NHEJ1: variants seen among roughly 807,000 people sequenced by gnomAD.
NHEJ1 encodes non-homologous end joining factor 1.
A neutral mutation model predicts 39.4 loss-of-function variants in NHEJ1; 22 were observed. That is an observed-to-expected ratio of 0.56 (90% confidence interval 0.40 to 0.80). The LOEUF (loss-of-function observed/expected upper bound fraction) is 0.80. Ranked by LOEUF, NHEJ1 falls within the 30% of genes least tolerant of loss-of-function variation. The probability of loss-of-function intolerance (pLI) is 0.00; values close to 1 mark genes in which losing one functional copy is unlikely to be tolerated. For missense variants in NHEJ1, 329 were observed against 357.1 expected (o/e 0.92, Z 0.63); for synonymous variants, 154 against 135.6 (o/e 1.14, Z -0.94).
At chr2:219,089,041 G>A (rs778280628) in intron 5 of NHEJ1, among the ~76,000 whole-genome samples, 2 of 151,914 alleles carry the variant, frequency 1.3e-5, no homozygotes, top group Non-Finnish European at 2.9e-5. Context: ...GGATGGTCTC[G>A]ATCTCCTGAC....
In NHEJ1 at chr2:219,073,551, C is replaced by G. The variant is rs1948984320; in HGVS notation, c.*2830G>C. 6.6e-6 allele frequency among the ~76,000 whole-genome samples: 1 copy of G among 152,212 alleles called. No homozygotes were observed. Among genetic ancestry groups the G allele is most frequent in the South Asian group, 2.1e-4 (1 of 4,830 alleles). The stretch of plus-strand genomic sequence containing the variant: ...TAGCTAACTATGGGGGACCAGCCGG[C>G]AAGGCCAAGTAGGCCTTGCAATCTA... On this transcript the variant is annotated 3_prime_UTR_variant, in exon 8 of 8. Transcript: ENST00000356853.
chr2:219,108,405 G>A (rs555852411), intron 5 of NHEJ1, among the ~76,000 whole-genome samples: 49 of 152,300 alleles, frequency 3.2e-4, no homozygotes, highest in African/African-American at 1.0e-3. Flanking sequence ...CCAGCCAACA[G>A]TTAAGTAAAG....
At position 219,088,564 on chromosome 2, in the gene NHEJ1, C is replaced by T. The variant is rs188454368; in HGVS notation, c.589-10358G>A. On this transcript the variant is annotated intron_variant, in intron 5 of 7. Coordinates refer to ENST00000356853, the MANE Select transcript of NHEJ1 (RefSeq NM_024782.3). ...CATACACAAAAGAGTATATATTATT[C>T]CATTTCTATGAAGCTCAAAAACAAG... 2.8e-3 allele frequency among the ~76,000 whole-genome samples: 428 copies of T among 152,032 alleles called. 1 individual carries two copies. In the Middle Eastern group the frequency reaches 0.044, roughly 16 times the overall value.
chr2:219,139,007 G>A (rs1949664303), intron 5 of NHEJ1, among the ~76,000 whole-genome samples: 1 of 152,188 alleles, frequency 6.6e-6, no homozygotes, highest in Non-Finnish European at 1.5e-5. Flanking sequence ...CAGTGAGATA[G>A]TGATAGAATG....
chr2:219,159,830 CT>C (rs1264693392), intron 1 of NHEJ1, among the ~76,000 whole-genome samples: 1 of 151,938 alleles, frequency 6.6e-6, no homozygotes, highest in Non-Finnish European at 1.5e-5. Context: ...CCAGTGTACT[CT>C]TAACAGTTGC....
At chr2:219,106,716 T>C (rs1574716023) in intron 5 of NHEJ1, among the ~76,000 whole-genome samples, 1 of 152,180 alleles carries the variant, frequency 6.6e-6, no homozygotes, top group Non-Finnish European at 1.5e-5. Flanking sequence ...TGTAGCGCCA[T>C]ACTCAATGTT....
Position 219,157,581 on chromosome 2 carries a change from G to A in NHEJ1, c.281C>T (p.Thr94Ile), listed in dbSNP as rs1033591552. 6.2e-7 allele frequency: 1 copy of A among 1,614,198 alleles called. No individual in the cohort carries two copies. The highest frequency in any genetic ancestry group is 8.5e-7 in the Non-Finnish European group (1 of 1,180,036). Residue 94 changes from threonine to isoleucine, a missense_variant, in exon 3 of 8, where the codon ACC becomes ATC. Coordinates refer to ENST00000356853, the MANE Select transcript of NHEJ1 (RefSeq NM_024782.3). Reference protein sequence around the residue: ...LKDAAHPSEATFSCDCVADAL... With the variant: ...LKDAAHPSEAIFSCDCVADAL... ...ATCTGCCACACAATCACAGGAGAAG[G>A]TAGCTTCGCTAGGGTGAGCAGCGTC... is the stretch of plus-strand genomic sequence containing the variant.
chr2:219,117,632 A>T (rs1485703473), intron 5 of NHEJ1, among the ~76,000 whole-genome samples: 2 of 152,282 alleles, frequency 1.3e-5, no homozygotes, highest in African/African-American at 4.8e-5. Context: ...CCACGAACTC[A>T]GAATCAGATC....
chr2:219,105,450 A>C (rs1949304870), intron 5 of NHEJ1, among the ~76,000 whole-genome samples: 1 of 152,206 alleles, frequency 6.6e-6, no homozygotes, highest in Non-Finnish European at 1.5e-5. Flanking sequence ...ATCCATTTTG[A>C]CAGCTCACTA....
intron 5 of NHEJ1, among the ~76,000 whole-genome samples, chr2:219,100,845 T>C (rs1949250838): frequency 6.6e-6 from 1 of 152,168 alleles, no homozygotes. Context: ...AATTCATCCA[T>C]TCATATTTCT....
At chr2:219,129,713 G>A (rs576916372) in intron 5 of NHEJ1, among the ~76,000 whole-genome samples, 3 of 152,332 alleles carry the variant, frequency 2.0e-5, no homozygotes, top group African/African-American at 7.2e-5. Flanking sequence ...GTCAACAAGA[G>A]GCTGCTCCTC....
rs1464191475 is a variant in NHEJ1 at position 219,073,517 on chromosome 2, T to TTA, written c.*2863_*2864insTA. 7.9e-5 allele frequency among the ~76,000 whole-genome samples: 12 copies of TTA among 152,176 alleles called. No homozygotes were observed. Among genetic ancestry groups the TTA allele is most frequent in the Non-Finnish European group, 1.6e-4 (11 of 68,022 alleles). ...AGGCTTTCTCTCCAAGCAGGGAGCA[T>TTA]GCCTGTCCTAGCTAACTATGGGGGA... On this transcript the variant is annotated 3_prime_UTR_variant, in exon 8 of 8. Coordinates refer to ENST00000356853, the MANE Select transcript of NHEJ1 (RefSeq NM_024782.3).
rs1156943291 is a variant in NHEJ1, at chr2:219,153,695, G to GC, written c.390+3776_390+3777insG. Among the ~76,000 whole-genome samples, 6 of 103,050 alleles carry GC rather than the reference G, an allele frequency of 5.8e-5. 1 individual carries two copies. The South Asian group carries it at 2.8e-3, about 49-fold the overall frequency. The allele number at this position is 103,050 out of a possible 152,430, so 67.6% of individuals were successfully genotyped here. A position where few individuals can be genotyped will look rare whatever the true frequency, so the allele number is the denominator to read the frequency against. ...TCTCAAAAGAAAAAGAAAGAAAAGG[G>GC]GGGGGGGGTGGAGAGAGAGAGAGAG... is the stretch of plus-strand genomic sequence containing the variant. On this transcript the variant is annotated intron_variant, in intron 3 of 7. Coordinates refer to ENST00000356853, the MANE Select transcript of NHEJ1 (RefSeq NM_024782.3).
chr2:219,079,992 T>C (rs1209084537), intron 5 of NHEJ1, among the ~76,000 whole-genome samples: 2 of 152,188 alleles, frequency 1.3e-5, no homozygotes, highest in Admixed American at 6.5e-5. Flanking sequence ...CCTCCTGCCC[T>C]TTCCATGGAA....
At chr2:219,135,862 G>A (rs546062811) in intron 5 of NHEJ1, among the ~76,000 whole-genome samples, 1 of 152,254 alleles carries the variant, frequency 6.6e-6, no homozygotes, top group Admixed American at 6.5e-5. Flanking sequence ...GACTAATGGT[G>A]GATTTGATGG....
At position 219,078,073 on chromosome 2, in the gene NHEJ1, C is replaced by A. The variant is rs745329739; in HGVS notation, c.706+16G>T. On this transcript the variant is annotated intron_variant, in intron 6 of 7. Transcript: ENST00000356853. Reference sequence around the variant, plus strand: ...ATTGTATCCTCACACAGACCGGGTACCTCTGGAGGGCTCACCAGCGCCTTG... The same window carrying A: ...ATTGTATCCTCACACAGACCGGGTAACTCTGGAGGGCTCACCAGCGCCTTG... The A allele has an allele frequency of 8.9e-6, 14 of 1,580,090 alleles. No individual in the cohort carries two copies. The highest frequency in any genetic ancestry group is 1.2e-5 in the Non-Finnish European group (14 of 1,149,090).
intron 5 of NHEJ1, among the ~76,000 whole-genome samples, chr2:219,122,918 G>A (rs758359801): frequency 3.2e-4 from 49 of 152,236 alleles, no homozygotes; most frequent in Non-Finnish European, 6.3e-4. Context: ...GGAGTAAAGA[G>A]TGGATAGCGG....
intron 5 of NHEJ1, among the ~76,000 whole-genome samples, chr2:219,093,760 T>G (rs759680286): frequency 6.6e-6 from 1 of 152,236 alleles, no homozygotes; most frequent in Admixed American, 6.5e-5. Context: ...TGTTCTATTG[T>G]GTGTATTAAA....
At chr2:219,125,884 T>C (rs1426031826) in intron 5 of NHEJ1, among the ~76,000 whole-genome samples, 5 of 152,242 alleles carry the variant, frequency 3.3e-5, no homozygotes, top group Admixed American at 2.6e-4. Flanking sequence ...GAGGAATTGC[T>C]AGAGTTGGAA....
Sources: gnomAD v4.1 joint callset for allele counts (sites outside exome capture counted in the v4.1 genomes callset) on GRCh38, gnomAD v4.1.1 for gene constraint, MANE v1.5 for transcripts, NCBI Gene and HGNC (gene_info 2026-07-23, HGNC 2026-07-21) for gene names.